POC1A: variants seen among roughly 807,000 people sequenced by gnomAD.
The protein encoded by POC1A is POC1 centriolar protein A.
A neutral mutation model predicts 47.8 loss-of-function variants in POC1A; 34 were observed. That is an observed-to-expected ratio of 0.71 (90% CI 0.54 to 0.95). The LOEUF (loss-of-function observed/expected upper bound fraction) is 0.95, where lower values mean the gene tolerates loss of function less well. Ranked by LOEUF, POC1A falls within the 40% of genes least tolerant of loss-of-function variation. POC1A has a pLI of 0.00. For missense variants in POC1A, 466 were observed against 528.3 expected, an observed-to-expected ratio of 0.88 and a Z score of 1.16; for synonymous variants, 177 against 207.6, an observed-to-expected ratio of 0.85 and a Z score of 1.27.
intron 6 of POC1A, among the ~76,000 whole-genome samples, chr3:52,138,832 C>T (rs1698081511): frequency 1.3e-5 from 2 of 152,276 alleles, no homozygotes; most frequent in Admixed American, 6.5e-5. Flanking sequence ...TGCCTGGGCT[C>T]ACCCCATGAC....
In POC1A at chr3:52,144,595, C is replaced by T. The variant is rs535985020; in HGVS notation, c.679+1251G>A. 5.3e-5 allele frequency among the ~76,000 whole-genome samples: 8 copies of T among 152,306 alleles called. No individual in the cohort carries two copies. The South Asian group carries it at 1.7e-3, about 32-fold the overall frequency. On this transcript the variant is annotated intron_variant, in intron 6 of 10. Coordinates refer to ENST00000296484, the MANE Select transcript of POC1A (RefSeq NM_015426.5). ...CCTTCCCCCCATTTTGTGCCAGCCA[C>T]CCTCTCAATTCTTGATATGAAACAA...
At chr3:52,152,720 C>T (rs907833949) in intron 1 of POC1A, among the ~76,000 whole-genome samples, 1 of 152,186 alleles carries the variant, frequency 6.6e-6, no homozygotes, top group African/African-American at 2.4e-5. Context: ...ATGTTCAGAG[C>T]AGCATTTTCC....
chr3:52,151,093 G>A lies in POC1A; in HGVS notation c.26C>T (p.Pro9Leu). ...GCCCTTAAAATGCCTTTCCAGCGAG[G>A]GGTCCTCCTGAGAGAGAGCCAGGGT... MAAPCAEDPSLERHFKGHR... is the reference protein window; with the variant it reads MAAPCAEDLSLERHFKGHR... Residue 9 changes from proline (P) to leucine (L), a missense_variant, in exon 2 of 11, where the codon CCC becomes CTC. Transcript: ENST00000296484. The A allele has an allele frequency of 1.9e-6, 3 of 1,613,610 alleles. No individual in the cohort carries two copies. The highest frequency in any genetic ancestry group is 2.5e-6 in the Non-Finnish European group (3 of 1,179,734).
intron 9 of POC1A, among the ~76,000 whole-genome samples, chr3:52,104,857 T>G (rs1358940817): frequency 1.3e-5 from 2 of 151,930 alleles, no homozygotes; most frequent in African/African-American, 4.8e-5. Flanking sequence ...TGCTTAGGAG[T>G]CTGTACACAG....
Position 52,138,317 on chromosome 3 carries a change from T to C in POC1A, c.680-15A>G. 1 of 1,605,912 alleles carries C rather than the reference T, an allele frequency of 6.2e-7. No homozygotes were observed. The highest frequency in any genetic ancestry group is 8.5e-7 in the Non-Finnish European group (1 of 1,175,920). ...TGCACTGTGCACTGGGGGAAGGACA[T>C]CAGTCAGGTGCTGGCTAGGAGGCAC... is the stretch of plus-strand genomic sequence containing the variant. On this transcript the variant is annotated splice_polypyrimidine_tract_variant and intron_variant, in intron 6 of 10. Transcript: ENST00000296484.
rs868650183 is a variant in POC1A, at chr3:52,154,362, G to A, written c.11C>T (p.Pro4Leu). MAAPCAEDPSLERH... is the reference protein window; with the variant it reads MAALCAEDPSLERH... ...GCTCTCGGCTGGGCTTACCGCGCAGGGCGCAGCCATGGCGGGGCTGGCGGC... is the reference window on the plus strand; with the variant it reads ...GCTCTCGGCTGGGCTTACCGCGCAGAGCGCAGCCATGGCGGGGCTGGCGGC... The change falls in exon 1 of 11, where the codon CCC becomes CTC. Residue 4 changes from proline (P) to leucine (L), a missense_variant. By Grantham distance (98) the Pro-to-Leu change is moderately conservative. Transcript: ENST00000296484. 5.2e-6 allele frequency: 8 copies of A among 1,531,590 alleles called. No homozygotes were observed. Among genetic ancestry groups the A allele is most frequent in the South Asian group, 1.2e-5 (1 of 82,906 alleles). 94.9% of individuals were successfully genotyped at this position (1,531,590 alleles called of 1,614,324 possible). A position where few individuals can be genotyped will look rare whatever the true frequency, so the allele number is the denominator to read the frequency against.
intron 9 of POC1A, among the ~76,000 whole-genome samples, chr3:52,110,711 T>C (rs961041218): frequency 1.3e-5 from 2 of 152,164 alleles, no homozygotes; most frequent in African/African-American, 4.8e-5. Context: ...GTGGCCCCAG[T>C]GTGTGAAGCA....
At chr3:52,119,353 A>G (rs1445768221) in intron 9 of POC1A, among the ~76,000 whole-genome samples, 1 of 151,448 alleles carries the variant, frequency 6.6e-6, no homozygotes, top group African/African-American at 2.4e-5. Context: ...AGCTGGGGAC[A>G]ATTCTGCCCA....
At chr3:52,149,794 C>A (rs747690709) in intron 3 of POC1A, 22 bp downstream of exon 3, 1 of 1,603,714 alleles carries the variant, frequency 6.2e-7, no homozygotes, top group South Asian at 1.1e-5. Context: ...TCCAACAAGC[C>A]TCCTCAAAGT....
In POC1A at chr3:52,086,116, T is replaced by TC. The variant is rs35574868; in HGVS notation, c.1126-10132dup. Among the ~76,000 whole-genome samples the TC allele has an allele frequency of 2.0e-5, 3 of 152,106 alleles. No homozygotes were observed. In the East Asian group the frequency reaches 5.8e-4, roughly 29 times the overall value. ...TTGATGTGGGCGCCCCCATGATGTC[T>TC]CCCTGGTGGGACTGGGGTTCTCCAG... On this transcript the variant is annotated intron_variant, in intron 10 of 10. Transcript: ENST00000296484.
intron 9 of POC1A, among the ~76,000 whole-genome samples, chr3:52,114,154 C>G (rs987600511): frequency 6.6e-6 from 1 of 152,244 alleles, no homozygotes; most frequent in African/African-American, 2.4e-5. Context: ...GGAAGTGGTT[C>G]CCAGAGCCAG....
At chr3:52,082,189 G>T (rs1003329073) in intron 10 of POC1A, among the ~76,000 whole-genome samples, 11 of 152,150 alleles carry the variant, frequency 7.2e-5, no homozygotes, top group Admixed American at 1.3e-4. Context: ...AAGGAAGAGG[G>T]GGGAGTGGGG....
At chr3:52,086,518 T>C (rs1702460611) in intron 10 of POC1A, among the ~76,000 whole-genome samples, 1 of 152,240 alleles carries the variant, frequency 6.6e-6, no homozygotes, top group Non-Finnish European at 1.5e-5. Context: ...CTACCCTAGC[T>C]CTGCGTTGTA....
Position 52,076,030 on chromosome 3 carries a change from A to G in POC1A, c.1126-45T>C, listed in dbSNP as rs190883887. On this transcript the variant is annotated intron_variant, in intron 10 of 10. Coordinates refer to ENST00000296484, the MANE Select transcript of POC1A (RefSeq NM_015426.5). ...TGGGTCAGAACACAGAAGGGCCGCC[A>G]GGCTGCTCTAGGGACCCCCTTGGCC... 366 of 1,460,308 alleles carry G rather than the reference A, an allele frequency of 2.5e-4. No homozygotes were observed. In the African/African-American group the frequency reaches 3.5e-3, roughly 14 times the overall value. 90.5% of individuals were successfully genotyped at this position (1,460,308 alleles called of 1,614,324 possible).
Position 52,138,073 on chromosome 3 carries a change from T to C in POC1A, c.813+96A>G, listed in dbSNP as rs1489184151. ...CCTCCATCCATCTCCCTGCAGGCTG[T>C]GTGGGTGACAAGCCTGTTTCTGCAT... On this transcript the variant is annotated intron_variant, in intron 7 of 10. Coordinates refer to ENST00000296484, the MANE Select transcript of POC1A (RefSeq NM_015426.5). 9.8e-6 allele frequency: 13 copies of C among 1,331,124 alleles called. No homozygotes were observed. The Admixed American group carries it at 2.3e-4, about 23-fold the overall frequency. The allele number at this position is 1,331,124 out of a possible 1,614,324, so 82.5% of individuals were successfully genotyped here.
At chr3:52,148,480 T>C (rs1030236714) in intron 4 of POC1A, among the ~76,000 whole-genome samples, 3 of 152,178 alleles carry the variant, frequency 2.0e-5, no homozygotes, top group African/African-American at 7.2e-5. Flanking sequence ...ATTTGACCCA[T>C]GGGGAAGCTC....
At chr3:52,113,658 C>T (rs1342074163) in intron 9 of POC1A, among the ~76,000 whole-genome samples, 1 of 152,130 alleles carries the variant, frequency 6.6e-6, no homozygotes, top group African/African-American at 2.4e-5. Flanking sequence ...ACTAAGATCG[C>T]GCCACTACAC....
intron 2 of POC1A, 62 bp downstream of exon 2, chr3:52,150,954 G>C: frequency 7.0e-7 from 1 of 1,433,320 alleles, no homozygotes; most frequent in Non-Finnish European, 9.8e-7. Context: ...CCACCCCTCC[G>C]AGGTAAAAAC....
chr3:52,117,785 T>C lies in POC1A; in HGVS notation c.981+4594A>G, dbSNP rs190882932. 1.1e-4 allele frequency among the ~76,000 whole-genome samples: 16 copies of C among 152,190 alleles called. No individual in the cohort carries two copies. In the East Asian group the frequency reaches 2.7e-3, roughly 26 times the overall value. On this transcript the variant is annotated intron_variant, in intron 9 of 10. Coordinates refer to ENST00000296484, the MANE Select transcript of POC1A (RefSeq NM_015426.5). ...GCAACCTTTCTTCCCCATTGCATAATGGGCCCTCAGACATTTGGAAGGAGG... is the reference window on the plus strand; with the variant it reads ...GCAACCTTTCTTCCCCATTGCATAACGGGCCCTCAGACATTTGGAAGGAGG...
Sources: allele counts gnomAD v4.1 joint callset (sites outside exome capture counted in the v4.1 genomes callset), GRCh38; gene constraint gnomAD v4.1.1; transcripts MANE v1.5; gene names NCBI Gene and HGNC (gene_info 2026-07-23, HGNC 2026-07-21).